The following ATP7A variants were observed in gnomAD, a reference collection of about 807,000 sequenced individuals.
ATP7A encodes the protein ATPase copper transporting alpha, also known as copper-transporting ATPase 1.
A neutral mutation model predicts 83.5 loss-of-function variants in ATP7A; 7 were observed. The ratio of observed to expected loss-of-function variants is 0.08; its 90% confidence interval spans 0.05 to 0.16. The LOEUF (loss-of-function observed/expected upper bound fraction) is 0.16. Ranked by LOEUF, ATP7A falls within the 10% of genes least tolerant of loss-of-function variation. The pLI is 1.00. For synonymous variants in ATP7A, 354 were observed against 395.2 expected, an observed-to-expected ratio of 0.90 and a Z score of 1.24; for missense variants, 940 against 1,120.8, an observed-to-expected ratio of 0.84 and a Z score of 2.30.
chrX:78,009,689 G>T (rs1409455249), intron 7 of ATP7A, among the ~76,000 whole-genome samples: 2 of 112,121 alleles, frequency 1.8e-5, no homozygotes, highest in African/African-American at 3.2e-5. Flanking sequence ...TGGACATAGT[G>T]GCTCATGCCT....
intron 10 of ATP7A, among the ~76,000 whole-genome samples, chrX:78,014,452 G>A (rs782737312): frequency 2.7e-5 from 3 of 110,878 alleles, no homozygotes; most frequent in South Asian, 3.8e-4. Context: ...TGTGTACTTC[G>A]TCTTTCTGAA....
Position 77,989,642 on chromosome X carries a change from G to A in ATP7A, c.1020G>A (p.Pro340=), listed in dbSNP as rs372232940. The change falls in exon 4 of 23, where the codon CCG becomes CCA. Residue 340 remains proline (P), a synonymous_variant. Transcript: ENST00000341514. ...GAAAAGCAATAGAGGCTGTATCACC[G>A]GGGCTATATAGAGTTAGTATCACAA... ...SLRKAIEAVS[P]GLYRVSITSE... is the part of the protein sequence containing the mutation. 42 of 1,209,661 alleles carry A rather than the reference G, an allele frequency of 3.5e-5. No homozygotes were observed. In the Admixed American group the frequency reaches 3.7e-4, roughly 11 times the overall value.
At chrX:77,928,443 C>T (rs1195627708) in intron 1 of ATP7A, among the ~76,000 whole-genome samples, 1 of 110,973 alleles carries the variant, frequency 9.0e-6, no homozygotes, top group Non-Finnish European at 1.9e-5. Context: ...TATGACATGA[C>T]ATGTGCTCGA....
At chrX:77,931,342 A>G (rs1201083302) in intron 1 of ATP7A, among the ~76,000 whole-genome samples, 5 of 111,439 alleles carry the variant, frequency 4.5e-5, no homozygotes, top group Non-Finnish European at 7.5e-5. Context: ...AAGGTCACCG[A>G]TGAGCAGGAT....
chrX:78,005,683 CAAAAAAAAAAAAAAA>C lies in ATP7A; in HGVS notation c.1707+2456_1707+2470del, dbSNP rs1218646073. Reference sequence around the variant, plus strand: ...GGGCAACAACAGTGAAACTCCATCTCAAAAAAAAAAAAAAAAAAAAAAAGAAAAAAAAAGAAGAAA... The same window carrying C: ...GGGCAACAACAGTGAAACTCCATCTCAAAAAAAAGAAAAAAAAAGAAGAAA... On this transcript the variant is annotated intron_variant, in intron 6 of 22. Coordinates refer to ENST00000341514, the MANE Select transcript of ATP7A (RefSeq NM_000052.7). 2.6e-3 allele frequency among the ~76,000 whole-genome samples: 35 copies of C among 13,699 alleles called. 1 individual carries two copies. Among genetic ancestry groups the C allele is most frequent in the African/African-American group, 9.8e-3 (33 of 3,365 alleles). The allele number at this position is 13,699 out of a possible 115,157, so 11.9% of individuals were successfully genotyped here.
intron 21 of ATP7A, 43 bp from the exon 22 acceptor site, chrX:78,045,427 G>C: frequency 1.0e-6 from 1 of 973,213 alleles, no homozygotes; most frequent in South Asian, 1.9e-5. Context: ...TTAATAATCT[G>C]TTTAGTATTA....
chrX:77,926,894 G>C (rs1303741277), intron 1 of ATP7A, among the ~76,000 whole-genome samples: 2 of 109,994 alleles, frequency 1.8e-5, no homozygotes, highest in Non-Finnish European at 3.8e-5. Flanking sequence ...GTAGAGACGG[G>C]GTGTCACCAT....
chrX:77,945,128 A>G (rs1245576087), intron 1 of ATP7A, among the ~76,000 whole-genome samples: 1 of 108,327 alleles, frequency 9.2e-6, no homozygotes, highest in Non-Finnish European at 1.9e-5. Flanking sequence ...AAGTGCTGGG[A>G]CTACAGGCAT....
rs113529215 is a variant in ATP7A, at chrX:78,008,838, C to A, written c.1708-264C>A. ...GACCAGCCTGGCCAACATGGTGAAA[C>A]CCCCTGTCTCTACAAAAAAGATAAA... On this transcript the variant is annotated intron_variant, in intron 6 of 22. Transcript: ENST00000341514. 8.2e-3 allele frequency among the ~76,000 whole-genome samples: 890 copies of A among 108,720 alleles called. 13 individuals are homozygous for A. The highest frequency in any genetic ancestry group is 0.029 in the African/African-American group (851 of 29,859). The allele number at this position is 108,720 out of a possible 115,157, so 94.4% of individuals were successfully genotyped here.
intron 16 of ATP7A, 141 bp from the exon 17 acceptor site, chrX:78,033,464 T>C: frequency 1.8e-6 from 1 of 570,477 alleles, no homozygotes; most frequent in Non-Finnish European, 2.9e-6. Flanking sequence ...CCTTTGTCCT[T>C]ATCAAAATCC....
rs1380893614 is a variant in ATP7A at position 78,048,963 on chromosome X, A to T, written c.*2393A>T. On this transcript the variant is annotated 3_prime_UTR_variant, in exon 23 of 23. Transcript: ENST00000341514. ...GTATTCATATTGTGGGACAGTGGGA[A>T]TAGCAGCTTGTAGTATTGAAATAAT... 8.9e-6 allele frequency: 1 copy of T among 111,885 alleles called. No homozygotes were observed. The highest frequency in any genetic ancestry group is 1.9e-5 in the Non-Finnish European group (1 of 53,185). 9.2% of individuals were successfully genotyped at this position (111,885 alleles called of 1,213,427 possible). A position where few individuals can be genotyped will look rare whatever the true frequency, so the allele number is the denominator to read the frequency against.
intron 2 of ATP7A, among the ~76,000 whole-genome samples, chrX:77,984,151 A>C (rs1211881938): frequency 2.7e-5 from 3 of 110,797 alleles, no homozygotes; most frequent in African/African-American, 9.8e-5. Flanking sequence ...TTTTTGGAGC[A>C]GGGGTTGGGG....
Position 78,012,973 on chromosome X carries a change from T to G in ATP7A, c.2267T>G (p.Ile756Ser). 3 of 1,211,313 alleles carry G rather than the reference T, an allele frequency of 2.5e-6. No individual in the cohort carries two copies. The highest frequency in any genetic ancestry group is 4.6e-4 in the Middle Eastern group (2 of 4,355). The change falls in exon 10 of 23, where the codon ATT (isoleucine) becomes AGT (serine). Residue 756 changes from isoleucine to serine, a missense_variant. This residue lies in a region of ATP7A where 204 missense variants were observed against 185.8 expected (regional missense o/e 1.10). Transcript: ENST00000341514. ...MDVLIVLATT[I>S]AFAYSLIILL... is the part of the protein sequence containing the mutation. ...GTACTGATTGTGCTGGCAACCACCATTGCATTTGCCTACTCTTTGATTATT... is the reference window on the plus strand; with the variant it reads ...GTACTGATTGTGCTGGCAACCACCAGTGCATTTGCCTACTCTTTGATTATT...
chrX:78,040,472 G>T lies in ATP7A; in HGVS notation c.3659-119G>T, dbSNP rs1035027844. The T allele has an allele frequency of 7.4e-5, 67 of 902,012 alleles. No homozygotes were observed. The South Asian group carries it at 1.4e-3, about 18-fold the overall frequency. The allele number at this position is 902,012 out of a possible 1,213,427, so 74.3% of individuals were successfully genotyped here. On this transcript the variant is annotated intron_variant, in intron 18 of 22. Coordinates refer to ENST00000341514, the MANE Select transcript of ATP7A (RefSeq NM_000052.7). ...TGGGCTTAGAGATATTTTAAGTTAA[G>T]CCATGCCCTGAACAACTTTACTTGA...
Position 77,914,547 on chromosome X carries a change from G to A in ATP7A, c.-22+3712G>A, listed in dbSNP as rs1046057937. Among the ~76,000 whole-genome samples the A allele has an allele frequency of 2.0e-4, 22 of 111,087 alleles. 1 individual carries two copies. In the South Asian group the frequency reaches 7.5e-3, roughly 38 times the overall value. On this transcript the variant is annotated intron_variant, in intron 1 of 22. Coordinates refer to ENST00000341514, the MANE Select transcript of ATP7A (RefSeq NM_000052.7). Reference sequence around the variant, plus strand: ...CCCAAGTAGCGGGGATTACAGGTGCGCGCCACCACACTTGGTTAGTTTTTG... The same window carrying A: ...CCCAAGTAGCGGGGATTACAGGTGCACGCCACCACACTTGGTTAGTTTTTG...
chrX:77,954,863 T>C (rs1199453949), intron 1 of ATP7A, among the ~76,000 whole-genome samples: 1 of 111,801 alleles, frequency 8.9e-6, no homozygotes, highest in Non-Finnish European at 1.9e-5. Flanking sequence ...TATATATGAA[T>C]TTATCATTGG....
At chrX:77,928,616 A>G (rs1189041166) in intron 1 of ATP7A, among the ~76,000 whole-genome samples, 1 of 111,544 alleles carries the variant, frequency 9.0e-6, no homozygotes, top group African/African-American at 3.3e-5. Context: ...GTTTCCCCAC[A>G]CGAAACAGTG....
At chrX:78,009,059 G>A in intron 6 of ATP7A, 43 bp from the exon 7 acceptor site, 1 of 1,175,658 alleles carries the variant, frequency 8.5e-7, no homozygotes, top group Non-Finnish European at 1.2e-6. Context: ...TTTAATGGTG[G>A]AAAAAGTATA....
chrX:77,959,821 G>C (rs1220649957), intron 1 of ATP7A, among the ~76,000 whole-genome samples: 2 of 112,075 alleles, frequency 1.8e-5, no homozygotes, highest in East Asian at 5.5e-4. Flanking sequence ...ACATGTGTGA[G>C]ACTCTGTCTA....
Sources: allele counts gnomAD v4.1 joint callset (sites outside exome capture counted in the v4.1 genomes callset), GRCh38; gene constraint gnomAD v4.1.1; regional missense constraint gnomAD v4.1.1; transcripts MANE v1.5; gene names NCBI Gene and HGNC (gene_info 2026-07-23, HGNC 2026-07-21).